NEDD9: variants seen among roughly 807,000 people sequenced by gnomAD.
The protein encoded by NEDD9 is enhancer of filamentation 1.
In NEDD9, 26 loss-of-function variants were observed where a neutral mutation model predicts 76.6. The observed-to-expected ratio is 0.34, with a 90% CI of 0.25 to 0.47. The LOEUF is 0.47. NEDD9 is among the 20% of genes least tolerant of loss of function. The pLI, the probability that NEDD9 is intolerant of heterozygous loss-of-function variation, is 1.00. For synonymous variants in NEDD9, 392 were observed against 414.2 expected (o/e 0.95, Z 0.65); for missense variants, 937 against 1,058.5 (o/e 0.89, Z 1.59).
At chr6:11,297,428 G>A (rs2072834) in intron 3 of NEDD9, among the ~76,000 whole-genome samples, 29,663 of 152,090 alleles carry the variant, frequency 0.2, 3,952 homozygotes, top group East Asian at 0.57. Context: ...GAGTATTTAT[G>A]AGTTTAGCAC....
chr6:11,229,827 C>T (rs1759419189), intron 1 of NEDD9, among the ~76,000 whole-genome samples: 1 of 152,236 alleles, frequency 6.6e-6, no homozygotes, highest in Non-Finnish European at 1.5e-5. Context: ...TAATAGCTTA[C>T]ATTCCACAGT....
chr6:11,275,207 A>C (rs527749424), intron 3 of NEDD9, among the ~76,000 whole-genome samples: 40 of 152,108 alleles, frequency 2.6e-4, no homozygotes, highest in Non-Finnish European at 4.7e-4. Context: ...GAACTCATAG[A>C]AGTAGAGAGT....
intron 2 of NEDD9, among the ~76,000 whole-genome samples, chr6:11,332,205 A>G (rs111671489): frequency 1.3e-5 from 2 of 152,200 alleles, no homozygotes; most frequent in Admixed American, 6.5e-5. Context: ...TGCAACCTAG[A>G]GTTGTAGGCC....
chr6:11,358,239 A>C (rs1762616421), intron 1 of NEDD9, among the ~76,000 whole-genome samples: 1 of 118,656 alleles, frequency 8.4e-6, no homozygotes. Flanking sequence ...ACAGAGCAAG[A>C]CTCCGTCAAA....
intron 1 of NEDD9, among the ~76,000 whole-genome samples, chr6:11,356,162 G>A (rs989800925): frequency 1.3e-5 from 2 of 152,240 alleles, no homozygotes; most frequent in South Asian, 2.1e-4. Context: ...TGTTAGGGGA[G>A]TGGGGAAACC....
At chr6:11,332,913 C>T (rs563586274) in intron 2 of NEDD9, among the ~76,000 whole-genome samples, 4 of 152,114 alleles carry the variant, frequency 2.6e-5, no homozygotes, top group African/African-American at 9.7e-5. Context: ...TGCATAGAAG[C>T]GGTTAATAGT....
rs1758335657 is a variant in NEDD9, at chr6:11,198,136, A to C, written c.460-4444T>G. ...GGAAGACATTGCGCCCTGTGTTGCCAGATCTTTCACGTTTTCAGAAGCCAG... is the reference window on the plus strand; with the variant it reads ...GGAAGACATTGCGCCCTGTGTTGCCCGATCTTTCACGTTTTCAGAAGCCAG... On this transcript the variant is annotated intron_variant, in intron 2 of 6. Coordinates refer to ENST00000379446, the MANE Select transcript of NEDD9 (RefSeq NM_006403.4). The surrounding 1 kb of genome is among the most constrained non-coding windows in gnomAD (Gnocchi z 4.7). Among the ~76,000 whole-genome samples the C allele has an allele frequency of 6.6e-6, 1 of 152,220 alleles. No homozygotes were observed. Among genetic ancestry groups the C allele is most frequent in the Non-Finnish European group, 1.5e-5 (1 of 68,032 alleles).
chr6:11,274,016 G>A (rs1324649816), intron 3 of NEDD9, among the ~76,000 whole-genome samples: 2 of 152,094 alleles, frequency 1.3e-5, no homozygotes, highest in African/African-American at 4.8e-5. Context: ...CAATGAACAT[G>A]CTACGAGATA....
intron 2 of NEDD9, among the ~76,000 whole-genome samples, chr6:11,331,096 A>C (rs928665130): frequency 1.3e-5 from 2 of 152,154 alleles, no homozygotes; most frequent in African/African-American, 4.8e-5. Context: ...AACCAAACCC[A>C]AAATGCTCTT....
intron 1 of NEDD9, among the ~76,000 whole-genome samples, chr6:11,341,540 T>A (rs1762273086): frequency 6.6e-6 from 1 of 152,212 alleles, no homozygotes; most frequent in South Asian, 2.1e-4. Context: ...TGAAACAGTA[T>A]AACAGAGGTT....
chr6:11,273,977 T>G (rs1760366363), intron 3 of NEDD9, among the ~76,000 whole-genome samples: 1 of 152,206 alleles, frequency 6.6e-6, no homozygotes, highest in African/African-American at 2.4e-5. Context: ...CTTTTCCTCT[T>G]TCTAATGAAA....
chr6:11,318,542 CAT>C (rs1761650301), intron 2 of NEDD9, among the ~76,000 whole-genome samples: 2 of 152,156 alleles, frequency 1.3e-5, no homozygotes, highest in African/African-American at 4.8e-5. Flanking sequence ...CATTTCGTCT[CAT>C]AGAAACAAGG....
chr6:11,209,858 T>G (rs1758721618), intron 2 of NEDD9, among the ~76,000 whole-genome samples: 1 of 152,152 alleles, frequency 6.6e-6, no homozygotes, highest in African/African-American at 2.4e-5. Flanking sequence ...CTCTAAATGC[T>G]GATTTAATAT....
intron 3 of NEDD9, among the ~76,000 whole-genome samples, chr6:11,242,221 C>T (rs1561803823): frequency 6.6e-6 from 1 of 152,208 alleles, no homozygotes; most frequent in Non-Finnish European, 1.5e-5. Context: ...CAAAGGGGGT[C>T]TGGCAATGAG....
At position 11,351,377 on chromosome 6, in the gene NEDD9, G is replaced by C. The variant is rs140191863; in HGVS notation, c.-213-16816C>G. ...GTTCAAGAGGGGCTTCATGGAGCTG[G>C]GGCTTCATCCTGATGGGGTTCAGGA... is the stretch of plus-strand genomic sequence containing the variant. On this transcript the variant is annotated intron_variant, in intron 1 of 3. Coordinates refer to the NEDD9 transcript ENST00000397378. Among the ~76,000 whole-genome samples, 271 of 152,264 alleles carry C rather than the reference G, an allele frequency of 1.8e-3. 4 individuals carry two copies. Among genetic ancestry groups the C allele is most frequent in the African/African-American group, 6.0e-3 (249 of 41,560 alleles).
In NEDD9 at chr6:11,190,417, CTTG is replaced by C; in HGVS notation, c.1449_1451del (p.Asn483del). ...CAACTCGTTGCAGCTCCCGCTTCAT[CTTG>C]TTGTGGAGGATGAGTTCCGGGAGGC... On this transcript the variant is annotated inframe_deletion, in exon 5 of 7. Transcript: ENST00000379446. This position sits in a 1 kb window ranked among gnomAD's most constrained non-coding sequence, Gnocchi z 5.8. 1 of 1,614,206 alleles carries C rather than the reference CTTG, an allele frequency of 6.2e-7. No individual in the cohort carries two copies. Among genetic ancestry groups the C allele is most frequent in the Non-Finnish European group, 8.5e-7 (1 of 1,180,034 alleles).
At chr6:11,233,289 G>C (rs778761747), upstream of NEDD9, 2 of 518,882 alleles carry the variant, frequency 3.9e-6, no homozygotes, top group Non-Finnish European at 7.7e-6. Context: ...TTCTCCCTTA[G>C]TGAAAAGGAA....
At chr6:11,268,725 T>TCACACAAACACA (rs1162856844) in intron 3 of NEDD9, among the ~76,000 whole-genome samples, 23 of 135,256 alleles carry the variant, frequency 1.7e-4, no homozygotes, top group African/African-American at 5.1e-4. Flanking sequence ...CGAAGCTCCA[T>TCACACAAACACA]CACACACACA....
chr6:11,311,205 C>A (rs1761355856), intron 2 of NEDD9, among the ~76,000 whole-genome samples: 1 of 152,094 alleles, frequency 6.6e-6, no homozygotes, highest in Non-Finnish European at 1.5e-5. Flanking sequence ...AATTCCTAAC[C>A]CCCAGTATCT....
Sources: allele counts gnomAD v4.1 joint callset (sites outside exome capture counted in the v4.1 genomes callset), GRCh38; gene constraint gnomAD v4.1.1; non-coding constraint Gnocchi (gnomAD v3.1); transcripts MANE v1.5; gene names NCBI Gene and HGNC (gene_info 2026-07-23, HGNC 2026-07-21).